The following HS6ST3 variants were observed in gnomAD, a reference collection of about 807,000 sequenced individuals.
The protein encoded by HS6ST3 is heparan sulfate 6-O-sulfotransferase 3.
A neutral mutation model predicts 36.7 loss-of-function variants in HS6ST3; 12 were observed. The ratio of observed to expected loss-of-function variants is 0.33; its 90% CI spans 0.21 to 0.53. HS6ST3 has a LOEUF of 0.53. Ranked by LOEUF, HS6ST3 falls within the 20% of genes least tolerant of loss-of-function variation. The pLI is 0.95. For missense variants in HS6ST3, 584 were observed against 640.9 expected (o/e 0.91, Z 0.96); for synonymous variants, 240 against 257.5 (o/e 0.93, Z 0.65).
intron 1 of HS6ST3, among the ~76,000 whole-genome samples, chr13:96,681,992 C>T (rs552526760): frequency 6.6e-6 from 1 of 152,216 alleles, no homozygotes; most frequent in East Asian, 1.9e-4. Flanking sequence ...TTTCATGTGA[C>T]TGCTTGGCTA....
chr13:96,236,611 A>G (rs2054535954), intron 1 of HS6ST3, among the ~76,000 whole-genome samples: 1 of 152,112 alleles, frequency 6.6e-6, no homozygotes, highest in African/African-American at 2.4e-5. Context: ...GACGCCATGA[A>G]TCTGTCATTC....
At chr13:96,722,849 C>T (rs958187868) in intron 1 of HS6ST3, among the ~76,000 whole-genome samples, 1 of 151,950 alleles carries the variant, frequency 6.6e-6, no homozygotes, top group African/African-American at 2.4e-5. Context: ...TGGTGGCGTG[C>T]GCCTGTAGTC....
chr13:96,233,979 G>T (rs1293774825), intron 1 of HS6ST3, among the ~76,000 whole-genome samples: 1 of 152,002 alleles, frequency 6.6e-6, no homozygotes, highest in East Asian at 1.9e-4. Context: ...AAAGAATGTG[G>T]TTACCTTACT....
At chr13:96,330,915 C>T (rs1417689153) in intron 1 of HS6ST3, among the ~76,000 whole-genome samples, 13 of 151,122 alleles carry the variant, frequency 8.6e-5, no homozygotes, top group Admixed American at 3.3e-4. Context: ...CTTCCCTTCT[C>T]GCTTCATTTC....
At chr13:96,420,417 C>A (rs2055556893) in intron 1 of HS6ST3, among the ~76,000 whole-genome samples, 1 of 152,154 alleles carries the variant, frequency 6.6e-6, no homozygotes, top group Non-Finnish European at 1.5e-5. Flanking sequence ...TTGTCAGATT[C>A]ATGATATACT....
chr13:96,655,815 A>AG (rs1377476272), intron 1 of HS6ST3, among the ~76,000 whole-genome samples: 1 of 152,100 alleles, frequency 6.6e-6, no homozygotes, highest in African/African-American at 2.4e-5. Context: ...TACTGCAGAG[A>AG]GAAGAGCTTT....
intron 1 of HS6ST3, among the ~76,000 whole-genome samples, chr13:96,397,565 A>AC (rs2055428486): frequency 6.6e-6 from 1 of 152,212 alleles, no homozygotes; most frequent in Non-Finnish European, 1.5e-5. Flanking sequence ...TCTCCTACAG[A>AC]AAGATCAATG....
chr13:96,510,860 TG>T (rs1408194886), intron 1 of HS6ST3, among the ~76,000 whole-genome samples: 1 of 152,194 alleles, frequency 6.6e-6, no homozygotes, highest in African/African-American at 2.4e-5. Flanking sequence ...CATGTAGTGT[TG>T]TTTTTTTACA....
chr13:96,509,430 C>T (rs2056039925), intron 1 of HS6ST3, among the ~76,000 whole-genome samples: 1 of 152,088 alleles, frequency 6.6e-6, no homozygotes, highest in African/African-American at 2.4e-5. Flanking sequence ...AAACCAATGT[C>T]TAGAAGAGTT....
At chr13:96,403,337 AG>A (rs960419149) in intron 1 of HS6ST3, among the ~76,000 whole-genome samples, 3 of 152,202 alleles carry the variant, frequency 2.0e-5, no homozygotes, top group Non-Finnish European at 4.4e-5. Flanking sequence ...TGTCACTGGA[AG>A]GAAGTCACTG....
chr13:96,439,331 G>A (rs2055658612), intron 1 of HS6ST3, among the ~76,000 whole-genome samples: 1 of 152,200 alleles, frequency 6.6e-6, no homozygotes, highest in African/African-American at 2.4e-5. Flanking sequence ...ATGTAAGATA[G>A]TAATTTTAGA....
intron 1 of HS6ST3, among the ~76,000 whole-genome samples, chr13:96,193,589 A>G (rs766572500): frequency 1.3e-5 from 2 of 152,142 alleles, no homozygotes; most frequent in Non-Finnish European, 2.9e-5. Context: ...TTAAATATTT[A>G]GGGTGATACT....
chr13:96,771,167 A>G (rs989455970), intron 1 of HS6ST3, among the ~76,000 whole-genome samples: 1 of 151,692 alleles, frequency 6.6e-6, no homozygotes, highest in Admixed American at 6.6e-5. Flanking sequence ...AAACTATCGC[A>G]AGGCCAAAAA....
At chr13:96,361,034 G>A (rs1365954978) in intron 1 of HS6ST3, among the ~76,000 whole-genome samples, 2 of 151,910 alleles carry the variant, frequency 1.3e-5, no homozygotes, top group Non-Finnish European at 2.9e-5. Context: ...CTAAGATACT[G>A]GAAACACTAT....
intron 1 of HS6ST3, among the ~76,000 whole-genome samples, chr13:96,415,561 G>A (rs2055528878): frequency 6.6e-6 from 1 of 152,260 alleles, no homozygotes; most frequent in African/African-American, 2.4e-5. Context: ...CATAGCCAGA[G>A]ATGGGGGAAA....
intron 1 of HS6ST3, among the ~76,000 whole-genome samples, chr13:96,665,115 T>G (rs1594831085): frequency 6.6e-6 from 1 of 152,228 alleles, no homozygotes; most frequent in East Asian, 1.9e-4. Context: ...AAGGCTGCAG[T>G]GAGCTGTGAT....
intron 1 of HS6ST3, among the ~76,000 whole-genome samples, chr13:96,303,347 C>G (rs2054893122): frequency 6.6e-6 from 1 of 152,184 alleles, no homozygotes; most frequent in Admixed American, 6.5e-5. Flanking sequence ...GGGCTGCTGC[C>G]ATTCCTTTGT....
At position 96,701,553 on chromosome 13, in the gene HS6ST3, T is replaced by A. The variant is rs16953538; in HGVS notation, c.708-130937T>A. 2.7e-3 allele frequency among the ~76,000 whole-genome samples: 418 copies of A among 152,234 alleles called. 3 individuals carry two copies. Among genetic ancestry groups the A allele is most frequent in the South Asian group, 0.018 (87 of 4,820 alleles). On this transcript the variant is annotated intron_variant, in intron 1 of 1. Transcript: ENST00000376705. ...GCTGGGAAGGAAAGTCAGTCAAAAT[T>A]TAATACTTAGAGCACTTTCCTGTAT...
intron 1 of HS6ST3, among the ~76,000 whole-genome samples, chr13:96,669,374 G>A (rs1476277371): frequency 6.6e-6 from 1 of 152,086 alleles, no homozygotes; most frequent in Non-Finnish European, 1.5e-5. Context: ...CTCCCTCCAG[G>A]AAAGACATGT....
Sources: gnomAD v4.1 joint callset for allele counts (sites outside exome capture counted in the v4.1 genomes callset) on GRCh38, gnomAD v4.1.1 for gene constraint, MANE v1.5 for transcripts, NCBI Gene and HGNC (gene_info 2026-07-23, HGNC 2026-07-21) for gene names.